ZNF827: variants seen among roughly 807,000 people sequenced by gnomAD.
ZNF827 encodes the protein zinc finger protein 827.
ZNF827 carries 13 observed loss-of-function variants against 102.4 expected under a neutral mutation model. That is an observed-to-expected ratio of 0.13 (90% CI 0.08 to 0.20). The LOEUF is 0.20. Ranked by LOEUF, ZNF827 falls within the 10% of genes least tolerant of loss-of-function variation. The probability of loss-of-function intolerance (pLI) is 1.00; values close to 1 mark genes in which losing one functional copy is unlikely to be tolerated. For missense variants in ZNF827, 1,103 were observed against 1,344.4 expected (o/e 0.82, Z 2.81); for synonymous variants, 523 against 536.2 (o/e 0.98, Z 0.34).
intron 9 of ZNF827, among the ~76,000 whole-genome samples, chr4:145,777,467 T>A (rs1191073447): frequency 2.0e-5 from 3 of 152,222 alleles, no homozygotes; most frequent in Non-Finnish European, 4.4e-5. Flanking sequence ...TTCCAAAATT[T>A]CTCTTTGGGA....
chr4:145,858,282 T>G (rs1747365635), intron 5 of ZNF827, among the ~76,000 whole-genome samples: 1 of 151,816 alleles, frequency 6.6e-6, no homozygotes, highest in East Asian at 1.9e-4. Flanking sequence ...TTTTTCAAAA[T>G]GAGACGGTAC....
intron 8 of ZNF827, among the ~76,000 whole-genome samples, chr4:145,800,544 G>T (rs1740792878): frequency 6.6e-6 from 1 of 152,008 alleles, no homozygotes; most frequent in Non-Finnish European, 1.5e-5. Flanking sequence ...CAAAGTGCTG[G>T]GATTACAGGT....
At chr4:145,850,932 C>T (rs1746466965) in intron 5 of ZNF827, among the ~76,000 whole-genome samples, 1 of 152,120 alleles carries the variant, frequency 6.6e-6, no homozygotes, top group South Asian at 2.1e-4. Flanking sequence ...AGTCAAGAAT[C>T]TCAAGAAGAA....
At chr4:145,815,823 T>C (rs1742545584) in intron 8 of ZNF827, among the ~76,000 whole-genome samples, 1 of 152,234 alleles carries the variant, frequency 6.6e-6, no homozygotes, top group African/African-American at 2.4e-5. Flanking sequence ...TGGCCTTTTA[T>C]AGCACTATTC....
intron 1 of ZNF827, among the ~76,000 whole-genome samples, chr4:145,934,875 A>G (rs987241588): frequency 1.3e-5 from 2 of 152,244 alleles, no homozygotes; most frequent in African/African-American, 4.8e-5. Context: ...CGAATTTTCT[A>G]TAGATTCAGT....
rs1168114339 is a variant in ZNF827 at position 145,763,512 on chromosome 4, A to G, written c.3231-390T>C. ...TTAGCACCGCACGGGAAGTGTCTGT[A>G]CCAGCAAAAGCATCAGAATTCACTG... On this transcript the variant is annotated intron_variant, in intron 13 of 14. Coordinates refer to ENST00000508784, the MANE Select transcript of ZNF827 (RefSeq NM_001306215.2). This position sits in a 1 kb window ranked among gnomAD's most constrained non-coding sequence, Gnocchi z 4.6. Among the ~76,000 whole-genome samples, 1 of 152,236 alleles carries G rather than the reference A, an allele frequency of 6.6e-6. No individual in the cohort carries two copies. Among genetic ancestry groups the G allele is most frequent in the Non-Finnish European group, 1.5e-5 (1 of 68,042 alleles).
intron 7 of ZNF827, among the ~76,000 whole-genome samples, chr4:145,824,369 G>A (rs1743454678): frequency 1.3e-5 from 2 of 152,196 alleles, no homozygotes; most frequent in African/African-American, 4.8e-5. Flanking sequence ...GTATCCATCA[G>A]TGTCCAACCT....
At chr4:145,777,025 C>A (rs1737216337) in intron 9 of ZNF827, among the ~76,000 whole-genome samples, 1 of 152,184 alleles carries the variant, frequency 6.6e-6, no homozygotes, top group Admixed American at 6.5e-5. Flanking sequence ...AGTGTTCTAT[C>A]CTTAATGCTT....
chr4:145,890,074 T>C (rs1750476560), intron 3 of ZNF827, among the ~76,000 whole-genome samples: 2 of 152,128 alleles, frequency 1.3e-5, no homozygotes, highest in Non-Finnish European at 2.9e-5. Context: ...AACCATTATA[T>C]TTCCAGGTAG....
intron 4 of ZNF827, among the ~76,000 whole-genome samples, chr4:145,880,373 G>A (rs2126800129): frequency 6.6e-6 from 1 of 152,350 alleles, no homozygotes; most frequent in South Asian, 2.1e-4. Context: ...AGGCTCAAAG[G>A]AGTTAGTAAG....
In ZNF827 at chr4:145,775,921, G is replaced by A; in HGVS notation, c.2561C>T (p.Ala854Val). 1 of 1,614,192 alleles carries A rather than the reference G, an allele frequency of 6.2e-7. No individual in the cohort carries two copies. The highest frequency in any genetic ancestry group is 8.5e-7 in the Non-Finnish European group (1 of 1,180,042). ...KYKCHLCPYAAKCRANLNQHL... is the reference protein window; with the variant it reads ...KYKCHLCPYAVKCRANLNQHL... Reference sequence around the variant, plus strand: ...CTGGTTCAGATTTGCACGGCACTTAGCAGCATAGGGGCACAAGTGGCATTT... The same window carrying A: ...CTGGTTCAGATTTGCACGGCACTTAACAGCATAGGGGCACAAGTGGCATTT... Residue 854 changes from alanine to valine, a missense_variant, in exon 10 of 15, where the codon GCT becomes GTT. Transcript: ENST00000508784.
In ZNF827 at chr4:145,885,801, C is replaced by A. The variant is rs371905111; in HGVS notation, c.1624G>T (p.Asp542Tyr). 1.9e-6 allele frequency: 3 copies of A among 1,613,110 alleles called. No homozygotes were observed. In the East Asian group the frequency reaches 6.7e-5, roughly 36 times the overall value. ...LPTSFTLNAA[D>Y]RPANHTKLKD... is the part of the protein sequence containing the mutation. ...AGCTTTGTGTGGTTGGCGGGCCTGT[C>A]GGCAGCATTCAAAGTAAAGGAGGTG... Residue 542 changes from aspartate (D) to tyrosine (Y), a missense_variant, in exon 4 of 15, where the codon GAC becomes TAC. By Grantham distance (160) the Asp-to-Tyr change is radical. Around this residue, in one of 5 missense-constraint regions of ZNF827, gnomAD observed 157 missense variants for 211.7 expected, o/e 0.74. Transcript: ENST00000508784.
chr4:145,876,712 A>G (rs1749179811), intron 4 of ZNF827: 1 of 152,230 alleles, frequency 6.6e-6, no homozygotes, highest in African/African-American at 2.4e-5. Context: ...ATAACCAAGT[A>G]GTTGACACAG....
At chr4:145,895,753 G>A (rs554274910) in intron 2 of ZNF827, among the ~76,000 whole-genome samples, 1 of 152,220 alleles carries the variant, frequency 6.6e-6, no homozygotes, top group Admixed American at 6.5e-5. Flanking sequence ...AAAGAAGGGA[G>A]GAAGTAAGGT....
At position 145,902,879 on chromosome 4, in the gene ZNF827, A is replaced by G. The variant is rs1316527784; in HGVS notation, c.380T>C (p.Leu127Pro). 1 of 1,614,188 alleles carries G rather than the reference A, an allele frequency of 6.2e-7. No homozygotes were observed. The highest frequency in any genetic ancestry group is 1.1e-5 in the South Asian group (1 of 91,076). ...ATCGAGTTTGAGGGAACCAGCCTCC[A>G]GCAGCCGCCTCAAATTGCTGCTCAG... Reference protein sequence around the residue: ...KPLSSNLRRLLEAGSLKLDAA... With the variant: ...KPLSSNLRRLPEAGSLKLDAA... The change falls in exon 2 of 15, where the codon CTG becomes CCG. Residue 127 changes from leucine to proline, a missense_variant. Around this residue, in one of 5 missense-constraint regions of ZNF827, gnomAD observed 441 missense variants for 458.6 expected, o/e 0.96. Coordinates refer to ENST00000508784, the MANE Select transcript of ZNF827 (RefSeq NM_001306215.2). This position sits in a 1 kb window ranked among gnomAD's most constrained non-coding sequence, Gnocchi z 4.3.
chr4:145,886,487 C>T (rs75757244), intron 3 of ZNF827, among the ~76,000 whole-genome samples: 8,292 of 152,188 alleles, frequency 0.054, 351 homozygotes, highest in Non-Finnish European at 0.082. Context: ...CAGCACAATC[C>T]AAACTTACAA....
rs1215740825 is a variant in ZNF827, at chr4:145,760,080, T to C, written c.*1536A>G. 6.6e-6 allele frequency: 1 copy of C among 152,236 alleles called. No homozygotes were observed. The highest frequency in any genetic ancestry group is 1.5e-5 in the Non-Finnish European group (1 of 68,044). The allele number at this position is 152,236 out of a possible 1,614,324, so 9.4% of individuals were successfully genotyped here. The stretch of plus-strand genomic sequence containing the variant: ...CGCCTCTTCATCACCAGAGAAGATC[T>C]GAGCGCAAGGTCTCCAGCGCTCTGG... On this transcript the variant is annotated 3_prime_UTR_variant, in exon 15 of 15. Coordinates refer to ENST00000508784, the MANE Select transcript of ZNF827 (RefSeq NM_001306215.2).
In ZNF827 at chr4:145,775,800, A is replaced by G; in HGVS notation, c.2682T>C (p.Pro894=). Residue 894 remains proline, a synonymous_variant, in exon 10 of 15, where the codon CCT becomes CCC. Coordinates refer to ENST00000508784, the MANE Select transcript of ZNF827 (RefSeq NM_001306215.2). The stretch of plus-strand genomic sequence containing the variant: ...CATCTGCAACTCACCTGTAATAATA[A>G]GGATGTTTCTTCCCATCACTGCCTT... ...TSEGSDGKKH[P]YYYSCHVCGF... 6.2e-7 allele frequency: 1 copy of G among 1,614,172 alleles called. No homozygotes were observed. Among genetic ancestry groups the G allele is most frequent in the Non-Finnish European group, 8.5e-7 (1 of 1,180,020 alleles).
At position 145,758,513 on chromosome 4, in the gene ZNF827, T is replaced by C. The variant is rs1734135208; in HGVS notation, c.*3103A>G. On this transcript the variant is annotated 3_prime_UTR_variant, in exon 15 of 15. Transcript: ENST00000508784. ...CTCTTTCCTGTCATCACTGAACTTG[T>C]AGTTTTGAAAACACATTATTAGCCA... The C allele has an allele frequency of 6.6e-6, 1 of 152,228 alleles. No individual in the cohort carries two copies. The highest frequency in any genetic ancestry group is 2.4e-5 in the African/African-American group (1 of 41,452). The allele number at this position is 152,228 out of a possible 1,614,324, so 9.4% of individuals were successfully genotyped here.
Sources: allele counts gnomAD v4.1 joint callset (sites outside exome capture counted in the v4.1 genomes callset), GRCh38; gene constraint gnomAD v4.1.1; regional missense constraint gnomAD v4.1.1; non-coding constraint Gnocchi (gnomAD v3.1); transcripts MANE v1.5; gene names NCBI Gene and HGNC (gene_info 2026-07-23, HGNC 2026-07-21).